Variants in DLG5 observed in about 807,000 individuals in gnomAD.
The protein encoded by DLG5 is discs large MAGUK scaffold protein 5, also known as disks large homolog 5.
A neutral mutation model predicts 189.8 loss-of-function variants in DLG5; 48 were observed. The ratio of observed to expected loss-of-function variants is 0.25; its 90% CI spans 0.20 to 0.32. DLG5 has a LOEUF of 0.32. Among genes scored for constraint, DLG5 ranks in the 10% least tolerant of loss-of-function variants. DLG5 has a pLI of 1.00. For missense variants in DLG5, 2,160 were observed against 2,544.7 expected (o/e 0.85, Z 3.25); for synonymous variants, 1,016 against 1,054.1 (o/e 0.96, Z 0.70).
chr10:77,850,074 C>T (rs1028917559), intron 5 of DLG5, among the ~76,000 whole-genome samples: 1 of 152,094 alleles, frequency 6.6e-6, no homozygotes, highest in Non-Finnish European at 1.5e-5. Flanking sequence ...TTACATACCA[C>T]ACAAAGTATG....
Position 77,854,240 on chromosome 10 carries a change from T to A in DLG5, c.667A>T (p.Thr223Ser). ...GGCCTCACTCACTGGTAGAAGTCAG[T>A]CTCCTTGGCCACCTCCTCACACCTC... ...LKRCEEVAKE[T>S]DFYHTLHSRL... Residue 223 changes from threonine (T) to serine (S), a missense_variant, in exon 4 of 32, where the codon ACT becomes TCT. Coordinates refer to ENST00000372391, the MANE Select transcript of DLG5 (RefSeq NM_004747.4). 1 of 1,614,118 alleles carries A rather than the reference T, an allele frequency of 6.2e-7. No individual in the cohort carries two copies. Among genetic ancestry groups the A allele is most frequent in the Non-Finnish European group, 8.5e-7 (1 of 1,180,008 alleles).
chr10:77,919,312 A>G (rs1015666093), intron 1 of DLG5, among the ~76,000 whole-genome samples: 19 of 152,086 alleles, frequency 1.2e-4, no homozygotes, highest in African/African-American at 4.3e-4. Flanking sequence ...AAACCACTCA[A>G]CACTAACATT....
rs973024314 is a variant in DLG5, at chr10:77,791,408, T to C, written c.*1032A>G. On this transcript the variant is annotated 3_prime_UTR_variant, in exon 32 of 32. Transcript: ENST00000372391. ...AGTAGGGTGCATGCCGTGAGTGCTG[T>C]AATCAAGATTAAAAAGACCTCAGTT... is the stretch of plus-strand genomic sequence containing the variant. The C allele has an allele frequency of 1.3e-5, 2 of 152,318 alleles. No homozygotes were observed. The highest frequency in any genetic ancestry group is 6.6e-5 in the Admixed American group (1 of 15,264). The allele number at this position is 152,318 out of a possible 1,614,324, so 9.4% of individuals were successfully genotyped here.
At chr10:77,840,694 G>A (rs1315084954) in intron 7 of DLG5, among the ~76,000 whole-genome samples, 2 of 152,158 alleles carry the variant, frequency 1.3e-5, no homozygotes, top group Non-Finnish European at 2.9e-5. Context: ...ACTTCAGGCT[G>A]GGCAACACGA....
At chr10:77,879,789 G>A (rs1845218779) in intron 1 of DLG5, among the ~76,000 whole-genome samples, 1 of 151,730 alleles carries the variant, frequency 6.6e-6, no homozygotes, top group Admixed American at 6.6e-5. Context: ...TGCTGAAAGG[G>A]GGAAGCCTGC....
intron 1 of DLG5, among the ~76,000 whole-genome samples, chr10:77,876,146 T>C (rs1845080605): frequency 6.6e-6 from 1 of 152,076 alleles, no homozygotes; most frequent in Non-Finnish European, 1.5e-5. Context: ...CCACCAAGTT[T>C]TGGAACAAGC....
chr10:77,806,599 C>G (rs1377718699), intron 26 of DLG5, among the ~76,000 whole-genome samples, 159 bp downstream of exon 26: 1 of 152,182 alleles, frequency 6.6e-6, no homozygotes, highest in Non-Finnish European at 1.5e-5. Flanking sequence ...CTTTTTAGAC[C>G]AGCACTTTTG....
chr10:77,822,562 T>C (rs1293335911), intron 14 of DLG5, among the ~76,000 whole-genome samples: 1 of 152,194 alleles, frequency 6.6e-6, no homozygotes, highest in Non-Finnish European at 1.5e-5. Context: ...GAGAATCGCT[T>C]GAACCCGGAG....
chr10:77,805,573 C>T lies in DLG5; in HGVS notation c.5164+92G>A. ...ACTTGCGCACAAAAGCAAAGTAAGACTCTCTTTTGTTTAAGTCCCTGTTGT... is the reference window on the plus strand; with the variant it reads ...ACTTGCGCACAAAAGCAAAGTAAGATTCTCTTTTGTTTAAGTCCCTGTTGT... On this transcript the variant is annotated intron_variant, in intron 27 of 31. Coordinates refer to ENST00000372391, the MANE Select transcript of DLG5 (RefSeq NM_004747.4). The T allele has an allele frequency of 2.8e-6, 4 of 1,404,322 alleles. No individual in the cohort carries two copies. In the South Asian group the frequency reaches 4.2e-5, roughly 15 times the overall value. The allele number at this position is 1,404,322 out of a possible 1,614,324, so 87.0% of individuals were successfully genotyped here. A position where few individuals can be genotyped will look rare whatever the true frequency, so the allele number is the denominator to read the frequency against.
intron 13 of DLG5, among the ~76,000 whole-genome samples, chr10:77,825,755 T>C (rs1017630225): frequency 6.6e-6 from 1 of 151,794 alleles, no homozygotes; most frequent in African/African-American, 2.4e-5. Context: ...TGGGGTTTCA[T>C]TGTGTTGCCC....
At chr10:77,925,209 C>T (rs1846648750) in intron 1 of DLG5, among the ~76,000 whole-genome samples, 1 of 152,126 alleles carries the variant, frequency 6.6e-6, no homozygotes, top group African/African-American at 2.4e-5. Flanking sequence ...TTAACCACTC[C>T]AAGCCAGAGT....
At chr10:77,930,609 A>G (rs1409540807), upstream of DLG5, among the ~76,000 whole-genome samples, 1 of 151,214 alleles carries the variant, frequency 6.6e-6, no homozygotes, top group Non-Finnish European at 1.5e-5. Context: ...TCGGCCTCCC[A>G]AAGTGCTGGG....
rs535571123 is a variant in DLG5 at position 77,926,715 on chromosome 10, T to A, written c.-195A>T. The A allele has an allele frequency of 6.2e-3, 1,050 of 168,954 alleles. 12 individuals carry two copies. The highest frequency in any genetic ancestry group is 0.023 in the African/African-American group (961 of 41,328). 10.5% of individuals were successfully genotyped at this position (168,954 alleles called of 1,614,324 possible). On this transcript the variant is annotated 5_prime_UTR_variant, in exon 1 of 32. Coordinates refer to ENST00000372391, the MANE Select transcript of DLG5 (RefSeq NM_004747.4). This position sits in a 1 kb window ranked among gnomAD's most constrained non-coding sequence, Gnocchi z 5.2. ...GCTCAGCAGCGGCCGCCTCCCGGGC[T>A]CCGGAGCGCAGCCATGTTGGCTGCC...
chr10:77,845,538 T>G (rs1589206260), intron 5 of DLG5: 2 of 151,782 alleles, frequency 1.3e-5, no homozygotes, highest in African/African-American at 4.8e-5. Context: ...ACCTAAGCAT[T>G]AGATTCTAGG....
chr10:77,850,695 C>T (rs1354987271), intron 5 of DLG5, among the ~76,000 whole-genome samples: 2 of 152,182 alleles, frequency 1.3e-5, no homozygotes, highest in African/African-American at 2.4e-5. Context: ...GATTTAAACC[C>T]AGACTTGACA....
intron 1 of DLG5, among the ~76,000 whole-genome samples, chr10:77,876,975 G>A (rs966615508): frequency 4.6e-5 from 7 of 151,202 alleles, no homozygotes; most frequent in African/African-American, 7.3e-5. Flanking sequence ...CAATCTGCTC[G>A]CCTCAGCCTC....
Position 77,841,965 on chromosome 10 carries a change from G to A in DLG5, c.1353C>T (p.Thr451=), listed in dbSNP as rs774101921. ...GCTTGGACTCGGCCAGCTCCACTTC[G>A]GTCTGCAGCTTGTCCAGCTCAGAGA... The part of the protein sequence containing the change: ...QVISELDKLQ[T]EVELAESKLK... The change falls in exon 7 of 32, where the codon ACC becomes ACT. Residue 451 remains threonine, a synonymous_variant. Coordinates refer to ENST00000372391, the MANE Select transcript of DLG5 (RefSeq NM_004747.4). 27 of 1,613,998 alleles carry A rather than the reference G, an allele frequency of 1.7e-5. 1 individual carries two copies. Among genetic ancestry groups the A allele is most frequent in the Middle Eastern group, 3.3e-4 (2 of 6,084 alleles).
intron 26 of DLG5, 55 bp from the exon 27 acceptor site, chr10:77,805,916 C>G: frequency 6.6e-7 from 1 of 1,509,112 alleles, no homozygotes; most frequent in East Asian, 2.3e-5. Context: ...CTGCCCTGCC[C>G]TTCCTGCCCT....
chr10:77,802,174 G>C (rs973947958), intron 27 of DLG5, among the ~76,000 whole-genome samples: 2 of 152,172 alleles, frequency 1.3e-5, no homozygotes, highest in East Asian at 3.9e-4. Flanking sequence ...TGGACTTCTG[G>C]CCTCCAGAAC....
Sources: gnomAD v4.1 joint callset for allele counts (sites outside exome capture counted in the v4.1 genomes callset) on GRCh38, gnomAD v4.1.1 for gene constraint, Gnocchi (gnomAD v3.1) non-coding constraint, MANE v1.5 for transcripts, NCBI Gene and HGNC (gene_info 2026-07-23, HGNC 2026-07-21) for gene names.